The following TAFA2 variants were observed in gnomAD, a reference collection of about 807,000 sequenced individuals.
TAFA2 encodes the protein chemokine-like protein TAFA-2.
In TAFA2, 7 loss-of-function variants were observed where a neutral mutation model predicts 18.8. The observed-to-expected ratio is 0.37, with a 90% CI of 0.21 to 0.70. TAFA2 has a LOEUF of 0.70. TAFA2 is among the 30% of genes least tolerant of loss of function. The pLI, the probability that TAFA2 is intolerant of heterozygous loss-of-function variation, is 0.53. For missense variants in TAFA2, 122 were observed against 158.1 expected (o/e 0.77, Z 1.23); for synonymous variants, 60 against 54.2 (o/e 1.11, Z -0.47).
intron 4 of TAFA2, among the ~76,000 whole-genome samples, chr12:61,752,530 T>C (rs1341530111): frequency 6.6e-6 from 1 of 152,010 alleles, no homozygotes; most frequent in African/African-American, 2.4e-5. Flanking sequence ...TCCTAACTAA[T>C]TGATCATGCA....
chr12:62,002,667 T>C (rs938910621), intron 1 of TAFA2, among the ~76,000 whole-genome samples: 3 of 152,196 alleles, frequency 2.0e-5, no homozygotes, highest in African/African-American at 7.2e-5. Flanking sequence ...ATCTTAATTT[T>C]TGGCTATTTC....
At chr12:62,172,779 A>G (rs955759791) in intron 1 of TAFA2, among the ~76,000 whole-genome samples, 4 of 152,260 alleles carry the variant, frequency 2.6e-5, no homozygotes, top group Non-Finnish European at 4.4e-5. Context: ...ATATTAAGAT[A>G]GAATTTAAAT....
Position 61,755,117 on chromosome 12 carries a change from C to G in TAFA2, c.107-93G>C. 2.6e-6 allele frequency: 3 copies of G among 1,150,574 alleles called. No individual in the cohort carries two copies. The South Asian group carries it at 4.6e-5, about 18-fold the overall frequency. The allele number at this position is 1,150,574 out of a possible 1,614,324, so 71.3% of individuals were successfully genotyped here. A position where few individuals can be genotyped will look rare whatever the true frequency, so the allele number is the denominator to read the frequency against. On this transcript the variant is annotated intron_variant, in intron 2 of 4. Transcript: ENST00000416284. ...AATTAGCAGTACATTAAATATAGCTCTATAAGGGGTCCACCAGGCATGAAA... is the reference window on the plus strand; with the variant it reads ...AATTAGCAGTACATTAAATATAGCTGTATAAGGGGTCCACCAGGCATGAAA...
At chr12:62,148,668 C>A (rs1714652393) in intron 1 of TAFA2, among the ~76,000 whole-genome samples, 1 of 152,114 alleles carries the variant, frequency 6.6e-6, no homozygotes, top group South Asian at 2.1e-4. Flanking sequence ...ATATAACATA[C>A]CTGCACATGT....
At chr12:62,035,648 G>C (rs1245933170) in intron 1 of TAFA2, among the ~76,000 whole-genome samples, 2 of 151,644 alleles carry the variant, frequency 1.3e-5, no homozygotes, top group Non-Finnish European at 2.9e-5. Context: ...CAAAGATAAG[G>C]CTGGTGAAGC....
At chr12:62,076,150 GTGT>G (rs1388020285) in intron 1 of TAFA2, among the ~76,000 whole-genome samples, 3 of 152,172 alleles carry the variant, frequency 2.0e-5, no homozygotes, top group Non-Finnish European at 4.4e-5. Flanking sequence ...ATTTTGCCTG[GTGT>G]TGTTGTATTA....
chr12:62,174,751 C>T (rs1046756798), intron 1 of TAFA2, among the ~76,000 whole-genome samples: 1 of 152,198 alleles, frequency 6.6e-6, no homozygotes, highest in African/African-American at 2.4e-5. Flanking sequence ...TTAATCTTTA[C>T]ACGGCTCTAA....
chr12:62,100,014 G>A (rs1228971975), intron 1 of TAFA2, among the ~76,000 whole-genome samples: 1 of 151,894 alleles, frequency 6.6e-6, no homozygotes, highest in Non-Finnish European at 1.5e-5. Flanking sequence ...AAAGTCTCAA[G>A]GATAATTATC....
chr12:62,242,309 A>C (rs995764883), intron 1 of TAFA2: 1 of 152,250 alleles, frequency 6.6e-6, no homozygotes, highest in African/African-American at 2.4e-5. Context: ...TTAAAAATCA[A>C]GCAATTATCA....
intron 1 of TAFA2, among the ~76,000 whole-genome samples, chr12:62,077,340 C>G (rs1055443739): frequency 2.6e-5 from 4 of 152,134 alleles, no homozygotes; most frequent in African/African-American, 9.7e-5. Context: ...TATTTTGGCT[C>G]AAAGTCATTG....
chr12:62,170,528 C>T (rs2062470485), intron 1 of TAFA2, among the ~76,000 whole-genome samples: 1 of 152,126 alleles, frequency 6.6e-6, no homozygotes, highest in Non-Finnish European at 1.5e-5. Context: ...ATTTACTGTG[C>T]CAGAGTTATG....
chr12:61,764,666 G>C (rs1005069743), intron 2 of TAFA2, among the ~76,000 whole-genome samples: 1 of 151,988 alleles, frequency 6.6e-6, no homozygotes, highest in African/African-American at 2.4e-5. Context: ...AAATGATTAG[G>C]TTTCATTAAA....
chr12:61,916,739 C>G (rs1013320144), intron 1 of TAFA2, among the ~76,000 whole-genome samples: 1 of 152,196 alleles, frequency 6.6e-6, no homozygotes. Context: ...AGCCACGAGT[C>G]AGAGTTAATC....
chr12:62,004,345 A>G (rs1880476258), intron 1 of TAFA2, among the ~76,000 whole-genome samples: 1 of 152,170 alleles, frequency 6.6e-6, no homozygotes, highest in African/African-American at 2.4e-5. Context: ...CAAGTGGATC[A>G]CCAGCACTGC....
At chr12:62,058,600 C>T (rs1441914081) in intron 1 of TAFA2, among the ~76,000 whole-genome samples, 1 of 145,446 alleles carries the variant, frequency 6.9e-6, no homozygotes, top group African/African-American at 2.5e-5. Context: ...ATCCTGCCCT[C>T]CTTTTCATGT....
chr12:62,134,656 C>G (rs1870825263), intron 1 of TAFA2, among the ~76,000 whole-genome samples: 1 of 152,070 alleles, frequency 6.6e-6, no homozygotes, highest in African/African-American at 2.4e-5. Context: ...CCTTGTTCAT[C>G]TAGTGTCTCT....
At chr12:62,118,033 AT>A (rs1398898019) in intron 1 of TAFA2, among the ~76,000 whole-genome samples, 2 of 152,222 alleles carry the variant, frequency 1.3e-5, no homozygotes, top group East Asian at 3.9e-4. Context: ...CAAAACAAAT[AT>A]TGGGGCTCTG....
chr12:61,971,235 A>T (rs1184171172), intron 1 of TAFA2, among the ~76,000 whole-genome samples: 3 of 151,740 alleles, frequency 2.0e-5, no homozygotes, highest in Non-Finnish European at 4.4e-5. Context: ...GGATAAATAG[A>T]AATAAGACAG....
At chr12:62,136,693 A>G (rs760379842) in intron 1 of TAFA2, among the ~76,000 whole-genome samples, 4 of 152,174 alleles carry the variant, frequency 2.6e-5, no homozygotes, top group Non-Finnish European at 4.4e-5. Flanking sequence ...CCAGGATAAC[A>G]TCTTCTAACC....
Sources: gnomAD v4.1 joint callset for allele counts (sites outside exome capture counted in the v4.1 genomes callset) on GRCh38, gnomAD v4.1.1 for gene constraint, MANE v1.5 for transcripts, NCBI Gene and HGNC (gene_info 2026-07-23, HGNC 2026-07-21) for gene names.